The following CDKAL1 variants were observed in gnomAD, a reference collection of about 807,000 sequenced individuals.
The protein encoded by CDKAL1 is threonylcarbamoyladenosine tRNA methylthiotransferase.
A neutral mutation model predicts 68.2 loss-of-function variants in CDKAL1; 32 were observed. The ratio of observed to expected loss-of-function variants is 0.47; its 90% CI spans 0.35 to 0.63. The LOEUF is 0.63. Ranked by LOEUF, CDKAL1 falls within the 30% of genes least tolerant of loss-of-function variation. The pLI is 0.00. For missense variants in CDKAL1, 606 were observed against 696.7 expected (o/e 0.87, Z 1.47); for synonymous variants, 234 against 244.3 (o/e 0.96, Z 0.39).
At chr6:21,198,944 C>G (rs1436315613) in intron 14 of CDKAL1, among the ~76,000 whole-genome samples, 2 of 152,238 alleles carry the variant, frequency 1.3e-5, no homozygotes, top group Non-Finnish European at 2.9e-5. Context: ...ATACGCCCTC[C>G]TCTCCCATCT....
chr6:20,743,187 G>A (rs956668021), intron 6 of CDKAL1, among the ~76,000 whole-genome samples: 4 of 152,164 alleles, frequency 2.6e-5, no homozygotes, highest in African/African-American at 9.7e-5. Flanking sequence ...GCACGATTGA[G>A]TAAAGAATGC....
At chr6:20,827,447 G>T (rs147260275) in intron 8 of CDKAL1, among the ~76,000 whole-genome samples, 1,689 of 152,250 alleles carry the variant, frequency 0.011, 29 homozygotes, top group African/African-American at 0.038. Flanking sequence ...CAATAGCAAA[G>T]AAACCTTTAC....
intron 13 of CDKAL1, among the ~76,000 whole-genome samples, chr6:21,181,397 T>C (rs1777783958): frequency 6.6e-6 from 1 of 152,176 alleles, no homozygotes; most frequent in African/African-American, 2.4e-5. Context: ...TTAATGTTGT[T>C]ATCATGGGAG....
intron 5 of CDKAL1, among the ~76,000 whole-genome samples, chr6:20,707,833 G>A (rs1038476416): frequency 1.3e-5 from 2 of 152,124 alleles, no homozygotes; most frequent in Non-Finnish European, 2.9e-5. Context: ...AAATCTTAAA[G>A]CTTCCTGCCA....
intron 10 of CDKAL1, among the ~76,000 whole-genome samples, chr6:20,991,799 C>T (rs1766821747): frequency 6.7e-6 from 1 of 150,046 alleles, no homozygotes; most frequent in Non-Finnish European, 1.5e-5. Context: ...GTACATGGCT[C>T]CAGTTCAGGG....
chr6:20,877,622 A>C (rs1404047460), intron 9 of CDKAL1, among the ~76,000 whole-genome samples: 2 of 152,202 alleles, frequency 1.3e-5, no homozygotes, highest in Admixed American at 6.5e-5. Context: ...TGAACTCAGA[A>C]AACTTGTTTG....
At chr6:20,738,972 T>G (rs1773323523) in intron 5 of CDKAL1, among the ~76,000 whole-genome samples, 1 of 152,218 alleles carries the variant, frequency 6.6e-6, no homozygotes, top group Admixed American at 6.5e-5. Context: ...TGTCTGGAAG[T>G]AAGCATATGC....
chr6:21,086,020 CT>C (rs1772673466), intron 12 of CDKAL1, among the ~76,000 whole-genome samples: 1 of 152,196 alleles, frequency 6.6e-6, no homozygotes. Flanking sequence ...GACTTGTACA[CT>C]GGATAATACT....
At chr6:20,657,006 A>G (rs955438675) in intron 5 of CDKAL1, among the ~76,000 whole-genome samples, 1 of 152,224 alleles carries the variant, frequency 6.6e-6, no homozygotes, top group African/African-American at 2.4e-5. Flanking sequence ...AAAAGGTACA[A>G]TAACAGTTAA....
At chr6:20,836,278 A>T (rs182202875) in intron 8 of CDKAL1, among the ~76,000 whole-genome samples, 1 of 152,352 alleles carries the variant, frequency 6.6e-6, no homozygotes, top group East Asian at 1.9e-4. Flanking sequence ...TCCAGCCATC[A>T]TATTACCAAA....
chr6:20,660,316 C>T (rs778727986), intron 5 of CDKAL1, among the ~76,000 whole-genome samples: 17 of 151,990 alleles, frequency 1.1e-4, no homozygotes, highest in African/African-American at 2.9e-4. Flanking sequence ...AAGCCTTTGA[C>T]GCTCTGACTC....
intron 15 of CDKAL1, among the ~76,000 whole-genome samples, chr6:21,203,730 T>C (rs1260557278): frequency 7.0e-6 from 1 of 143,868 alleles, no homozygotes; most frequent in Admixed American, 7.0e-5. Context: ...TGAAATGAAG[T>C]TTTGCTTGTC....
At chr6:21,155,401 C>T (rs973843973) in intron 13 of CDKAL1, among the ~76,000 whole-genome samples, 9 of 152,114 alleles carry the variant, frequency 5.9e-5, no homozygotes, top group Non-Finnish European at 8.8e-5. Flanking sequence ...CCAGCTCAAG[C>T]TGGACATGAA....
chr6:21,110,211 G>A (rs1774052202), intron 13 of CDKAL1, among the ~76,000 whole-genome samples: 1 of 152,168 alleles, frequency 6.6e-6, no homozygotes, highest in Admixed American at 6.5e-5. Context: ...TATTCTGGAT[G>A]TACAGTAGTG....
At chr6:21,006,967 A>G (rs182045172) in intron 11 of CDKAL1, among the ~76,000 whole-genome samples, 267 of 152,312 alleles carry the variant, frequency 1.8e-3, no homozygotes, top group Non-Finnish European at 3.2e-3. Flanking sequence ...TAAAGGTCCA[A>G]TCACATATAC....
chr6:21,048,590 A>G (rs932976789), intron 11 of CDKAL1, among the ~76,000 whole-genome samples: 2 of 152,220 alleles, frequency 1.3e-5, no homozygotes, highest in African/African-American at 4.8e-5. Flanking sequence ...TTAGGATGAC[A>G]TAAAACTTGA....
At chr6:21,020,468 A>G (rs547769794) in intron 11 of CDKAL1, among the ~76,000 whole-genome samples, 4 of 151,942 alleles carry the variant, frequency 2.6e-5, no homozygotes, top group African/African-American at 7.2e-5. Flanking sequence ...TATTTTATTT[A>G]TTTATTTATT....
chr6:21,113,940 T>TAAAAGA (rs1038863331), intron 13 of CDKAL1, among the ~76,000 whole-genome samples: 5 of 137,792 alleles, frequency 3.6e-5, no homozygotes, highest in Non-Finnish European at 6.3e-5. Flanking sequence ...AGCCCATATA[T>TAAAAGA]AAAAGAAAAA....
intron 14 of CDKAL1, chr6:21,200,839 A>G (rs1778658537): frequency 7.7e-6 from 2 of 258,894 alleles, no homozygotes; most frequent in South Asian, 1.4e-4. Context: ...TTTGTAGGGG[A>G]TCCCAGAACA....
Sources: gnomAD v4.1 joint callset for allele counts (sites outside exome capture counted in the v4.1 genomes callset) on GRCh38, gnomAD v4.1.1 for gene constraint, MANE v1.5 for transcripts, NCBI Gene and HGNC (gene_info 2026-07-23, HGNC 2026-07-21) for gene names.